Variants in USHBP1 observed in about 807,000 individuals in gnomAD.
USHBP1 encodes the protein harmonin-binding protein USHBP1.
USHBP1 carries 67 observed loss-of-function variants against 76.2 expected under a neutral mutation model. The ratio of observed to expected loss-of-function variants is 0.88; its 90% CI spans 0.72 to 1.08. The LOEUF (loss-of-function observed/expected upper bound fraction) is 1.08, where lower values mean the gene tolerates loss of function less well. Ranked by LOEUF, USHBP1 falls within the 50% of genes least tolerant of loss-of-function variation. The pLI is 0.00. For missense variants in USHBP1, 931 were observed against 915.0 expected, an observed-to-expected ratio of 1.02 and a Z score of -0.23; for synonymous variants, 322 against 362.2, an observed-to-expected ratio of 0.89 and a Z score of 1.26.
chr19:17,253,353 A>G (rs1022685605), intron 10 of USHBP1, among the ~76,000 whole-genome samples: 4 of 146,572 alleles, frequency 2.7e-5, no homozygotes, highest in African/African-American at 1.0e-4. Context: ...CAGTGGCGCA[A>G]TCTCGGCTCA....
intron 4 of USHBP1, among the ~76,000 whole-genome samples, chr19:17,261,149 G>A (rs2073682486): frequency 6.6e-6 from 1 of 151,896 alleles, no homozygotes; most frequent in African/African-American, 2.4e-5. Context: ...TGCAGCCCAC[G>A]AGGCCCTACG....
chr19:17,256,685 T>C lies in USHBP1; in HGVS notation c.1256A>G (p.Gln419Arg), dbSNP rs1275271046. 6.2e-7 allele frequency: 1 copy of C among 1,614,080 alleles called. No individual in the cohort carries two copies. Among genetic ancestry groups the C allele is most frequent in the African/African-American group, 1.3e-5 (1 of 74,934 alleles). Residue 419 changes from glutamine (Q) to arginine (R), a missense_variant, in exon 9 of 13, where the codon CAG becomes CGG. By Grantham distance (43) the Gln-to-Arg change is conservative (BLOSUM62 1). Transcript: ENST00000252597. ...GCTTCGGAGCTGGAAAGCCACTTCC[T>C]GTGGGGTGGGCTTATCCACACTGCT... is the stretch of plus-strand genomic sequence containing the variant. The part of the protein sequence containing the change: ...EGSSVDKPTP[Q>R]EVAFQLRSYV...
chr19:17,262,633 C>T lies in USHBP1; in HGVS notation c.561G>A (p.Leu187=). 4.3e-6 allele frequency: 7 copies of T among 1,613,934 alleles called. No individual in the cohort carries two copies. The highest frequency in any genetic ancestry group is 5.9e-6 in the Non-Finnish European group (7 of 1,180,026). The change falls in exon 4 of 13, where the codon CTG becomes CTA. Residue 187 remains leucine, a synonymous_variant. Coordinates refer to ENST00000252597, the MANE Select transcript of USHBP1 (RefSeq NM_031941.4). The part of the protein sequence containing the change: ...AERNAWLRLA[L]SSREDELVRT... ...GGACCAGCTCATCCTCTCGGCTACT[C>T]AGGGCCAGCCGGAGCCAGGCATTCC...
Position 17,258,371 on chromosome 19 carries a change from T to C in USHBP1, c.1061A>G (p.Glu354Gly). 1 of 1,613,574 alleles carries C rather than the reference T, an allele frequency of 6.2e-7. No individual in the cohort carries two copies. Among genetic ancestry groups the C allele is most frequent in the Non-Finnish European group, 8.5e-7 (1 of 1,179,918 alleles). The change falls in exon 8 of 13, where the codon GAG (glutamate) becomes GGG (glycine). Residue 354 changes from glutamate to glycine, a missense_variant. Physicochemically the swap from Glu to Gly is moderately conservative, Grantham distance 98. Coordinates refer to ENST00000252597, the MANE Select transcript of USHBP1 (RefSeq NM_031941.4). Reference protein sequence around the residue: ...LALQYSEHCEEAYRVLLALRE... With the variant: ...LALQYSEHCEGAYRVLLALRE... ...CAGAGCAAGCAGAACCCTGTATGCCTCTTCACAGTGTTCACTGTGGGACAC... is the reference window on the plus strand; with the variant it reads ...CAGAGCAAGCAGAACCCTGTATGCCCCTTCACAGTGTTCACTGTGGGACAC...
chr19:17,258,480 G>A lies in USHBP1; in HGVS notation c.1047-95C>T, dbSNP rs573799296. 95 of 1,432,958 alleles carry A rather than the reference G, an allele frequency of 6.6e-5. No individual in the cohort carries two copies. The African/African-American group carries it at 8.8e-4, about 13-fold the overall frequency. 88.8% of individuals were successfully genotyped at this position (1,432,958 alleles called of 1,614,324 possible). A position where few individuals can be genotyped will look rare whatever the true frequency, so the allele number is the denominator to read the frequency against. ...TCCCAGCACTTTGGGAGGCTGAGGC[G>A]GGAGGATTACCTGAGGTCAGGAGTT... is the stretch of plus-strand genomic sequence containing the variant. On this transcript the variant is annotated intron_variant, in intron 7 of 12. Coordinates refer to ENST00000252597, the MANE Select transcript of USHBP1 (RefSeq NM_031941.4).
intron 12 of USHBP1, among the ~76,000 whole-genome samples, chr19:17,251,166 G>GTTTT (rs1315942809): frequency 1.5e-5 from 1 of 66,450 alleles, no homozygotes. Context: ...GGCCCAGCCT[G>GTTTT]TTGTTTTTTT....
chr19:17,255,642 T>C (rs759446619), intron 9 of USHBP1, 36 bp from the exon 10 acceptor site: 21 of 1,554,416 alleles, frequency 1.4e-5, no homozygotes, highest in Non-Finnish European at 1.8e-5. Flanking sequence ...AATTTATGCT[T>C]CTACGGTCAA....
At chr19:17,264,451 G>A (rs2073729274) in intron 1 of USHBP1, 104 bp from the exon 2 acceptor site, 1 of 917,382 alleles carries the variant, frequency 1.1e-6, no homozygotes, top group South Asian at 1.8e-5. Flanking sequence ...CCCTCAGGAA[G>A]GGATTTTGTT....
rs769048412 is a variant in USHBP1, at chr19:17,259,444, G to A, written c.906-15C>T. 7 of 1,613,838 alleles carry A rather than the reference G, an allele frequency of 4.3e-6. No individual in the cohort carries two copies. In the Admixed American group the frequency reaches 6.7e-5, roughly 15 times the overall value. ...TCTCAATGCTCCTGTTCCCGAAGGT[G>A]GGGAAGAGGGAAAGTCAGAGGCCTT... is the stretch of plus-strand genomic sequence containing the variant. On this transcript the variant is annotated splice_polypyrimidine_tract_variant and intron_variant, in intron 6 of 12. Transcript: ENST00000252597.
At chr19:17,251,220 A>T (rs989078818) in intron 12 of USHBP1, among the ~76,000 whole-genome samples, 2 of 141,218 alleles carry the variant, frequency 1.4e-5, no homozygotes, top group Admixed American at 1.5e-4. Context: ...CCCAAGCTGG[A>T]GTGCAGTGGT....
chr19:17,257,096 C>T (rs1006929520), intron 8 of USHBP1, among the ~76,000 whole-genome samples: 1 of 150,400 alleles, frequency 6.6e-6, no homozygotes, highest in African/African-American at 2.4e-5. Flanking sequence ...CCTCGGCTCA[C>T]TGCAAGCTCC....
chr19:17,252,968 A>G (rs1399753917), intron 10 of USHBP1, among the ~76,000 whole-genome samples: 1 of 152,032 alleles, frequency 6.6e-6, no homozygotes, highest in Admixed American at 6.6e-5. Flanking sequence ...CTTGTTTGAA[A>G]TAATAATAAT....
At chr19:17,252,978 T>TAA (rs910523593) in intron 10 of USHBP1, among the ~76,000 whole-genome samples, 1 of 150,620 alleles carries the variant, frequency 6.6e-6, no homozygotes, top group African/African-American at 2.4e-5. Flanking sequence ...ATAATAATAA[T>TAA]TTTTTTTTTG....
At position 17,258,204 on chromosome 19, in the gene USHBP1, G is replaced by T. The variant is rs373703422; in HGVS notation, c.1220+8C>A. ...ACCAGGCCAGTTCCCAGGGTTCCAG[G>T]GGGGTACCTTGGCTGTGGATTCTGC... On this transcript the variant is annotated splice_region_variant and intron_variant, in intron 8 of 12. Transcript: ENST00000252597. 1.2e-6 allele frequency: 2 copies of T among 1,613,344 alleles called. No individual in the cohort carries two copies. Among genetic ancestry groups the T allele is most frequent in the Non-Finnish European group, 1.7e-6 (2 of 1,180,012 alleles).
In USHBP1 at chr19:17,259,875, G is replaced by A. The variant is rs777919090; in HGVS notation, c.768+22C>T. 1.9e-6 allele frequency: 3 copies of A among 1,608,620 alleles called. No homozygotes were observed. In the Admixed American group the frequency reaches 5.0e-5, roughly 27 times the overall value. Reference sequence around the variant, plus strand: ...GAAGGCTAAGGACATCAAGACCATGGGATTGAACTTCTCGCACTCACCTGA... The same window carrying A: ...GAAGGCTAAGGACATCAAGACCATGAGATTGAACTTCTCGCACTCACCTGA... On this transcript the variant is annotated intron_variant, in intron 5 of 12. Transcript: ENST00000252597.
chr19:17,259,224 TG>T, intron 7 of USHBP1, 64 bp downstream of exon 7: 1 of 1,534,484 alleles, frequency 6.5e-7, no homozygotes. Flanking sequence ...TTCTGTGGAT[TG>T]GGGCCATCCT....
rs1016890242 is a variant in USHBP1 at position 17,249,947 on chromosome 19, C to T, written c.*278G>A. On this transcript the variant is annotated 3_prime_UTR_variant, in exon 13 of 13. Coordinates refer to ENST00000252597, the MANE Select transcript of USHBP1 (RefSeq NM_031941.4). The stretch of plus-strand genomic sequence containing the variant: ...AACCTCACGGACCCCCGAAATGCGT[C>T]AGTCCCAGGGACCTGGTCCCATAGC... 3.6e-5 allele frequency: 16 copies of T among 441,286 alleles called. No homozygotes were observed. The highest frequency in any genetic ancestry group is 3.1e-4 in the African/African-American group (15 of 47,760). 27.3% of individuals were successfully genotyped at this position (441,286 alleles called of 1,614,324 possible).
rs2145589599 is a variant in USHBP1, at chr19:17,259,352, A to T, written c.983T>A (p.Leu328His). The T allele has an allele frequency of 6.2e-7, 1 of 1,614,174 alleles. No homozygotes were observed. Among genetic ancestry groups the T allele is most frequent in the Middle Eastern group, 1.6e-4 (1 of 6,062 alleles). Residue 328 changes from leucine to histidine, a missense_variant, in exon 7 of 13, where the codon CTC becomes CAC. Transcript: ENST00000252597. ...LQGYKGRCEG[L>H]SMQLGQREAE... The stretch of plus-strand genomic sequence containing the variant: ...CTCCCGCTGGCCTAGCTGCATGCTG[A>T]GGCCTTCACAGCGGCCCTTGTATCC...
In USHBP1 at chr19:17,258,197, G is replaced by T; in HGVS notation, c.1220+15C>A. ...CTCCTCAACCAGGCCAGTTCCCAGG[G>T]TTCCAGGGGGGTACCTTGGCTGTGG... On this transcript the variant is annotated intron_variant, in intron 8 of 12. Coordinates refer to ENST00000252597, the MANE Select transcript of USHBP1 (RefSeq NM_031941.4). 3 of 1,612,914 alleles carry T rather than the reference G, an allele frequency of 1.9e-6. No individual in the cohort carries two copies. The highest frequency in any genetic ancestry group is 2.5e-6 in the Non-Finnish European group (3 of 1,179,996).
Sources: gnomAD v4.1 joint callset for allele counts (sites outside exome capture counted in the v4.1 genomes callset) on GRCh38, gnomAD v4.1.1 for gene constraint, MANE v1.5 for transcripts, NCBI Gene and HGNC (gene_info 2026-07-23, HGNC 2026-07-21) for gene names.